The following GALNTL6 variants were observed in gnomAD, a reference collection of about 807,000 sequenced individuals.
GALNTL6 encodes the protein polypeptide N-acetylgalactosaminyltransferase-like 6.
In GALNTL6, 46 loss-of-function variants were observed where a neutral mutation model predicts 73.7. The observed-to-expected ratio is 0.62, with a 90% CI of 0.49 to 0.80. The LOEUF (loss-of-function observed/expected upper bound fraction) is 0.80, where lower values mean the gene tolerates loss of function less well. Among genes scored for constraint, GALNTL6 ranks in the 30% least tolerant of loss-of-function variants. The probability of loss-of-function intolerance (pLI) is 0.00; values close to 1 mark genes in which losing one functional copy is unlikely to be tolerated. For missense variants in GALNTL6, 604 were observed against 755.0 expected, an observed-to-expected ratio of 0.80 and a Z score of 2.34; for synonymous variants, 259 against 263.7, an observed-to-expected ratio of 0.98 and a Z score of 0.17.
At chr4:172,953,539 G>C (rs957402651) in intron 10 of GALNTL6, among the ~76,000 whole-genome samples, 1 of 152,206 alleles carries the variant, frequency 6.6e-6, no homozygotes, top group African/African-American at 2.4e-5. Context: ...CTGAGAAAAG[G>C]CTACCCCAGG....
chr4:172,210,639 A>T (rs1436209163), intron 2 of GALNTL6, among the ~76,000 whole-genome samples: 2 of 152,162 alleles, frequency 1.3e-5, no homozygotes, highest in African/African-American at 4.8e-5. Context: ...ACTATGACTT[A>T]TCAGTATTGA....
rs181185765 is a variant in GALNTL6 at position 172,543,518 on chromosome 4, A to C, written c.553+194829A>C. Among the ~76,000 whole-genome samples, 5 of 152,264 alleles carry C rather than the reference A, an allele frequency of 3.3e-5. No homozygotes were observed. The East Asian group carries it at 9.7e-4, about 29-fold the overall frequency. ...CCAGGCCCTTGATAAGTCATTCCTG[A>C]GTTTTAAAGCTTCCTGGGTCGTAGA... On this transcript the variant is annotated intron_variant, in intron 5 of 12. Transcript: ENST00000506823.
intron 10 of GALNTL6, among the ~76,000 whole-genome samples, chr4:172,970,434 C>T (rs543253572): frequency 7.2e-5 from 11 of 152,212 alleles, no homozygotes; most frequent in Non-Finnish European, 1.5e-4. Context: ...ATTTATAGAC[C>T]TCCCCCCAGG....
At chr4:173,009,676 G>A (rs1239711233) in intron 11 of GALNTL6, among the ~76,000 whole-genome samples, 1 of 152,140 alleles carries the variant, frequency 6.6e-6, no homozygotes, top group Non-Finnish European at 1.5e-5. Flanking sequence ...CTGCTGTTCT[G>A]TGTTTGTGAT....
chr4:172,373,144 T>A (rs1742885817), intron 5 of GALNTL6, among the ~76,000 whole-genome samples: 1 of 152,036 alleles, frequency 6.6e-6, no homozygotes, highest in South Asian at 2.1e-4. Context: ...GGCCAGTGCC[T>A]GACCAAACAG....
At chr4:171,911,256 C>A (rs1318124512) in intron 2 of GALNTL6, among the ~76,000 whole-genome samples, 1 of 152,146 alleles carries the variant, frequency 6.6e-6, no homozygotes, top group East Asian at 1.9e-4. Context: ...ACCTCCCAGG[C>A]TCTGTCAAGC....
intron 10 of GALNTL6, among the ~76,000 whole-genome samples, chr4:173,006,732 G>T (rs560200044): frequency 1.3e-5 from 2 of 152,244 alleles, no homozygotes; most frequent in South Asian, 4.2e-4. Flanking sequence ...AGTTCCCAAG[G>T]GGTCAGGGCA....
intron 2 of GALNTL6, among the ~76,000 whole-genome samples, chr4:172,137,761 C>T (rs1733676375): frequency 6.6e-6 from 1 of 152,114 alleles, no homozygotes; most frequent in South Asian, 2.1e-4. Flanking sequence ...TGAGAATCTA[C>T]TCATTCAAAT....
At chr4:172,204,493 A>G (rs1736049252) in intron 2 of GALNTL6, among the ~76,000 whole-genome samples, 1 of 152,176 alleles carries the variant, frequency 6.6e-6, no homozygotes, top group Non-Finnish European at 1.5e-5. Context: ...CATAGGTAAT[A>G]ATGTCTTTTA....
At chr4:171,905,115 T>C (rs1186302737) in intron 2 of GALNTL6, among the ~76,000 whole-genome samples, 1 of 152,128 alleles carries the variant, frequency 6.6e-6, no homozygotes, top group Non-Finnish European at 1.5e-5. Context: ...GCTAACATCA[T>C]AATGACAGGA....
chr4:171,849,030 A>G (rs1262650520), intron 2 of GALNTL6, among the ~76,000 whole-genome samples: 2 of 152,252 alleles, frequency 1.3e-5, no homozygotes, highest in East Asian at 1.9e-4. Flanking sequence ...CATCGCCTGA[A>G]TAGTGTACAT....
At chr4:172,713,268 T>TGTGTGTGTGTG (rs1553976806) in intron 5 of GALNTL6, among the ~76,000 whole-genome samples, 1 of 67,562 alleles carries the variant, frequency 1.5e-5, no homozygotes, top group African/African-American at 4.4e-5. Flanking sequence ...GTGTGTGTGT[T>TGTGTGTGTGTG]TAGAGAGAAA....
At chr4:172,620,021 T>G (rs923002156) in intron 5 of GALNTL6, among the ~76,000 whole-genome samples, 4 of 152,210 alleles carry the variant, frequency 2.6e-5, no homozygotes, top group Non-Finnish European at 4.4e-5. Flanking sequence ...TTCCTTTCAT[T>G]ATGACATGCA....
intron 5 of GALNTL6, among the ~76,000 whole-genome samples, chr4:172,584,302 G>T (rs1737319635): frequency 6.6e-6 from 1 of 152,124 alleles, no homozygotes; most frequent in Non-Finnish European, 1.5e-5. Flanking sequence ...GAAGTGGTAA[G>T]GTCTGAGCAA....
At chr4:172,755,127 C>T (rs1246356884) in intron 5 of GALNTL6, among the ~76,000 whole-genome samples, 9 of 151,998 alleles carry the variant, frequency 5.9e-5, no homozygotes. Flanking sequence ...TGGTCATTTG[C>T]AGATTCTACT....
chr4:171,825,212 C>T (rs1423155761), intron 2 of GALNTL6, among the ~76,000 whole-genome samples: 1 of 152,100 alleles, frequency 6.6e-6, no homozygotes, highest in Non-Finnish European at 1.5e-5. Flanking sequence ...GTTTTGGTTG[C>T]ATCCAACAGT....
At chr4:172,438,498 T>G (rs1230176044) in intron 5 of GALNTL6, among the ~76,000 whole-genome samples, 1 of 152,002 alleles carries the variant, frequency 6.6e-6, no homozygotes, top group African/African-American at 2.4e-5. Flanking sequence ...TTTCCTTGTT[T>G]AAATTCTTCA....
chr4:172,257,895 G>T (rs76937204), intron 3 of GALNTL6, among the ~76,000 whole-genome samples: 1 of 151,092 alleles, frequency 6.6e-6, no homozygotes, highest in South Asian at 2.1e-4. Flanking sequence ...CATGCCTAAC[G>T]TAAGGTATCT....
At chr4:172,999,532 A>T (rs1215591329) in intron 10 of GALNTL6, among the ~76,000 whole-genome samples, 1 of 152,182 alleles carries the variant, frequency 6.6e-6, no homozygotes, top group Non-Finnish European at 1.5e-5. Flanking sequence ...AAGGCAAAAT[A>T]TTAGTAGAAT....
Sources: allele counts gnomAD v4.1 joint callset (sites outside exome capture counted in the v4.1 genomes callset), GRCh38; gene constraint gnomAD v4.1.1; transcripts MANE v1.5; gene names NCBI Gene and HGNC (gene_info 2026-07-23, HGNC 2026-07-21).